ZMYM6: variants seen among roughly 807,000 people sequenced by gnomAD.
The protein encoded by ZMYM6 is zinc finger MYM-type protein 6.
ZMYM6 carries 90 observed loss-of-function variants against 134.0 expected under a neutral mutation model. That is an observed-to-expected ratio of 0.67 (90% CI 0.57 to 0.80). The LOEUF (loss-of-function observed/expected upper bound fraction) is 0.80, where lower values mean the gene tolerates loss of function less well. ZMYM6 is among the 30% of genes least tolerant of loss of function. The pLI, the probability that ZMYM6 is intolerant of heterozygous loss-of-function variation, is 0.00. For missense variants in ZMYM6, 1,362 were observed against 1,533.9 expected, an observed-to-expected ratio of 0.89 and a Z score of 1.87; for synonymous variants, 481 against 524.1, an observed-to-expected ratio of 0.92 and a Z score of 1.12.
At chr1:35,010,630 C>G (rs1641068149) in intron 9 of ZMYM6, 33 bp from the exon 10 acceptor site, 1 of 1,576,698 alleles carries the variant, frequency 6.3e-7, no homozygotes, top group African/African-American at 1.4e-5. Context: ...TAAGAGCCAA[C>G]TAAACAGTTG....
intron 14 of ZMYM6, among the ~76,000 whole-genome samples, chr1:34,995,481 A>T (rs1042216660): frequency 2.6e-5 from 4 of 152,000 alleles, no homozygotes; most frequent in Non-Finnish European, 5.9e-5. Flanking sequence ...GTTAACAGTA[A>T]CTACTAAATA....
At chr1:35,026,981 A>G (rs2148462753) in intron 2 of ZMYM6, among the ~76,000 whole-genome samples, 1 of 152,352 alleles carries the variant, frequency 6.6e-6, no homozygotes, top group South Asian at 2.1e-4. Context: ...TGTAGATACC[A>G]TAATAAAAGT....
At chr1:34,994,327 G>C (rs1451670353) in intron 14 of ZMYM6, among the ~76,000 whole-genome samples, 1 of 152,156 alleles carries the variant, frequency 6.6e-6, no homozygotes, top group Non-Finnish European at 1.5e-5. Flanking sequence ...GCATGGAGGA[G>C]GGGCAATTCT....
chr1:35,002,894 G>T (rs1407983044), intron 14 of ZMYM6, among the ~76,000 whole-genome samples: 1 of 152,064 alleles, frequency 6.6e-6, no homozygotes, highest in African/African-American at 2.4e-5. Flanking sequence ...AGCACAAGCT[G>T]GGCACCATCG....
chr1:35,019,542 A>C lies in ZMYM6; in HGVS notation c.239T>G (p.Leu80Arg). Residue 80 changes from leucine to arginine, a missense_variant, in exon 4 of 16, where the codon CTT (leucine) becomes CGT (arginine). Leu to Arg is a moderately radical substitution (Grantham distance 102). Transcript: ENST00000357182. The part of the protein sequence containing the change: ...SFASSGPSVL[L>R]PSVPAVAIKV... ...AATAGCAACAGCTGGAACTGAAGGAAGCAACACACTTGGGCCAGATGATGC... is the reference window on the plus strand; with the variant it reads ...AATAGCAACAGCTGGAACTGAAGGACGCAACACACTTGGGCCAGATGATGC... 2 of 1,614,146 alleles carry C rather than the reference A, an allele frequency of 1.2e-6. No homozygotes were observed. The highest frequency in any genetic ancestry group is 1.7e-6 in the Non-Finnish European group (2 of 1,180,006).
chr1:34,998,108 G>C (rs1263280829), intron 14 of ZMYM6, among the ~76,000 whole-genome samples: 1 of 152,046 alleles, frequency 6.6e-6, no homozygotes, highest in Admixed American at 6.6e-5. Context: ...GTGAAACCCT[G>C]TCTCTACTAA....
rs1192154628 is a variant in ZMYM6 at position 34,992,355 on chromosome 1, T to C, written c.2025A>G (p.Pro675=). The C allele has an allele frequency of 1.2e-6, 2 of 1,614,032 alleles. No homozygotes were observed. The highest frequency in any genetic ancestry group is 1.7e-6 in the Non-Finnish European group (2 of 1,179,952). Residue 675 remains proline, a synonymous_variant, in exon 15 of 16, where the codon CCA becomes CCG. Coordinates refer to ENST00000357182, the MANE Select transcript of ZMYM6 (RefSeq NM_007167.4). Reference sequence around the variant, plus strand: ...TGGAAGGCTGGGAAGATTGGGAAGATGGAAATTTCATAGCATCTTCCTGTG... The same window carrying C: ...TGGAAGGCTGGGAAGATTGGGAAGACGGAAATTTCATAGCATCTTCCTGTG... ...ESTQEDAMKF[P]SSQSSQPSRL...
chr1:35,024,777 C>T (rs571543859), intron 2 of ZMYM6, among the ~76,000 whole-genome samples: 121 of 151,928 alleles, frequency 8.0e-4, no homozygotes, highest in Non-Finnish European at 1.4e-3. Flanking sequence ...TATGTGAAAC[C>T]TTCCTCTCCT....
chr1:35,018,211 G>A (rs563334944), intron 4 of ZMYM6: 2 of 152,192 alleles, frequency 1.3e-5, no homozygotes, highest in East Asian at 3.9e-4. Flanking sequence ...GGGCATGGTG[G>A]TATGCGCCTG....
chr1:35,026,175 C>T (rs1369410934), intron 2 of ZMYM6, among the ~76,000 whole-genome samples: 5 of 151,990 alleles, frequency 3.3e-5, no homozygotes, highest in African/African-American at 1.2e-4. Flanking sequence ...CGCCCACCAC[C>T]GCGCCCGGCT....
intron 2 of ZMYM6, among the ~76,000 whole-genome samples, chr1:35,025,449 A>G (rs1641392464): frequency 6.8e-6 from 1 of 146,756 alleles, no homozygotes; most frequent in Non-Finnish European, 1.5e-5. Context: ...CCTGGGCTAC[A>G]AAGCAAGACT....
At chr1:34,989,910 A>C (rs1192885485) in intron 15 of ZMYM6, 2 of 152,244 alleles carry the variant, frequency 1.3e-5, no homozygotes, top group African/African-American at 4.8e-5. Flanking sequence ...CAAAAAAAAG[A>C]AAGAAAAGGA....
chr1:35,022,967 T>C (rs577127174), intron 2 of ZMYM6, among the ~76,000 whole-genome samples: 1 of 152,056 alleles, frequency 6.6e-6, no homozygotes, highest in Non-Finnish European at 1.5e-5. Context: ...AATTTCTTTA[T>C]CTGTAAAATA....
chr1:35,014,917 C>G (rs758010982), intron 5 of ZMYM6, 29 bp from the exon 6 acceptor site: 3 of 1,610,412 alleles, frequency 1.9e-6, no homozygotes, highest in African/African-American at 2.7e-5. Context: ...CATACACACA[C>G]AAAATAAGCA....
At chr1:34,993,404 C>A (rs1305655384) in intron 14 of ZMYM6, among the ~76,000 whole-genome samples, 1 of 152,118 alleles carries the variant, frequency 6.6e-6, no homozygotes, top group Non-Finnish European at 1.5e-5. Flanking sequence ...AGCCACCACT[C>A]CCAGCTGGGA....
At position 34,988,747 on chromosome 1, in the gene ZMYM6, T is replaced by G. The variant is rs1640615748; in HGVS notation, c.2335A>C (p.Asn779His). 1 of 1,551,570 alleles carries G rather than the reference T, an allele frequency of 6.4e-7. No homozygotes were observed. Among genetic ancestry groups the G allele is most frequent in the Non-Finnish European group, 8.7e-7 (1 of 1,146,962 alleles). ...VICGEILSSENMKPANLSHHL... is the reference protein window; with the variant it reads ...VICGEILSSEHMKPANLSHHL... Reference sequence around the variant, plus strand: ...TGAGAAAGATTTGCTGGCTTCATGTTTTCACTGGATAAGATCTCTCCACAA... The same window carrying G: ...TGAGAAAGATTTGCTGGCTTCATGTGTTCACTGGATAAGATCTCTCCACAA... The change falls in exon 16 of 16, where the codon AAC (asparagine) becomes CAC (histidine). Residue 779 changes from asparagine to histidine, a missense_variant. Asn to His is a moderately conservative substitution (Grantham distance 68, BLOSUM62 1). Around this residue, in one of 3 missense-constraint regions of ZMYM6, gnomAD observed 824 missense variants for 940.9 expected, o/e 0.88. Transcript: ENST00000357182.
In ZMYM6 at chr1:34,987,404, AT is replaced by A; in HGVS notation, c.3677del (p.Asn1226IlefsTer10). On this transcript the variant is annotated frameshift_variant, in exon 16 of 16. Transcript: ENST00000357182. LOFTEE classifies it high-confidence loss of function. ...IHPFMNHQNN[N>X]LTDFEEEKLT... ...GCTTTTCTTCTTCGAAGTCGGTGAGATTATTATTTTGGTGATTCATAAAAGG... is the reference window on the plus strand; with the variant it reads ...GCTTTTCTTCTTCGAAGTCGGTGAGATATTATTTTGGTGATTCATAAAAGG... 1 of 1,614,040 alleles carries A rather than the reference AT, an allele frequency of 6.2e-7. No individual in the cohort carries two copies. Among genetic ancestry groups the A allele is most frequent in the Non-Finnish European group, 8.5e-7 (1 of 1,180,004 alleles).
chr1:34,989,267 G>C, intron 15 of ZMYM6: 1 of 1,037,466 alleles, frequency 9.6e-7, no homozygotes, highest in Non-Finnish European at 1.2e-6. Flanking sequence ...GCTGAGCAGG[G>C]TGGCTCACAC....
intron 12 of ZMYM6, 92 bp from the exon 13 acceptor site, chr1:35,005,364 C>G: frequency 7.4e-7 from 1 of 1,349,938 alleles, no homozygotes; most frequent in Admixed American, 2.4e-5. Flanking sequence ...TGTTTAGTAA[C>G]TAGGTTTTCA....
Sources: gnomAD v4.1 joint callset for allele counts (sites outside exome capture counted in the v4.1 genomes callset) on GRCh38, gnomAD v4.1.1 for gene constraint, gnomAD v4.1.1 regional missense constraint, MANE v1.5 for transcripts, NCBI Gene and HGNC (gene_info 2026-07-23, HGNC 2026-07-21) for gene names.